The following TBC1D8 variants were observed in gnomAD, a reference collection of about 807,000 sequenced individuals.
TBC1D8 encodes BUB2-like protein 1.
Under a neutral mutation model 118.8 loss-of-function variants are expected in TBC1D8, and 65 were observed. That is an observed-to-expected ratio of 0.55 (90% confidence interval 0.45 to 0.67). The LOEUF (loss-of-function observed/expected upper bound fraction) is 0.67, where lower values mean the gene tolerates loss of function less well. TBC1D8 is among the 30% of genes least tolerant of loss of function. The probability of loss-of-function intolerance (pLI) is 0.00; values close to 1 mark genes in which losing one functional copy is unlikely to be tolerated. For synonymous variants in TBC1D8, 566 were observed against 595.8 expected (o/e 0.95, Z 0.73); for missense variants, 1,376 against 1,471.2 (o/e 0.94, Z 1.06).
chr2:101,132,970 A>G (rs1574073022), intron 1 of TBC1D8, among the ~76,000 whole-genome samples: 1 of 152,142 alleles, frequency 6.6e-6, no homozygotes, highest in East Asian at 1.9e-4. Context: ...ATGTTTCTAT[A>G]AATTTTTAAG....
intron 1 of TBC1D8, among the ~76,000 whole-genome samples, chr2:101,102,446 T>G (rs1294622276): frequency 6.7e-6 from 1 of 149,708 alleles, no homozygotes; most frequent in African/African-American, 2.5e-5. Context: ...AGAGCGAGAT[T>G]CCATAAAAAG....
At chr2:101,150,827 C>T (rs528501849) in intron 1 of TBC1D8, among the ~76,000 whole-genome samples, 32 of 152,236 alleles carry the variant, frequency 2.1e-4, no homozygotes, top group Non-Finnish European at 3.7e-4. Context: ...CCGCTCCACC[C>T]GGCGTTTCTC....
chr2:101,013,836 T>C lies in TBC1D8; in HGVS notation c.2828-2296A>G, dbSNP rs116475875. The stretch of plus-strand genomic sequence containing the variant: ...AGATGCAGTTGAGACATTACAGTAA[T>C]CATCAAAATAATCCCATCTCCACCA... On this transcript the variant is annotated intron_variant, in intron 17 of 19. Transcript: ENST00000409318. Among the ~76,000 whole-genome samples, 815 of 152,322 alleles carry C rather than the reference T, an allele frequency of 5.4e-3. 10 individuals are homozygous for C. Among genetic ancestry groups the C allele is most frequent in the African/African-American group, 0.018 (736 of 41,578 alleles).
intron 4 of TBC1D8, among the ~76,000 whole-genome samples, chr2:101,051,374 C>T (rs1389795240): frequency 1.3e-5 from 2 of 152,094 alleles, no homozygotes; most frequent in Non-Finnish European, 2.9e-5. Flanking sequence ...ACCAGCAATA[C>T]CATTCTGGAC....
intron 4 of TBC1D8, among the ~76,000 whole-genome samples, 164 bp from the exon 5 acceptor site, chr2:101,050,805 A>G (rs544419152): frequency 6.6e-6 from 1 of 152,314 alleles, no homozygotes; most frequent in African/African-American, 2.4e-5. Context: ...CAGGTTTGCA[A>G]TACAGGTAAA....
chr2:101,094,702 C>G (rs1676275503), intron 1 of TBC1D8, among the ~76,000 whole-genome samples: 1 of 152,114 alleles, frequency 6.6e-6, no homozygotes. Flanking sequence ...CAACCCAGCC[C>G]CTTCAACTGG....
At chr2:101,039,049 G>A (rs185779956) in intron 6 of TBC1D8, among the ~76,000 whole-genome samples, 1 of 152,320 alleles carries the variant, frequency 6.6e-6, no homozygotes, top group East Asian at 1.9e-4. Flanking sequence ...GTAGAAGGAT[G>A]GTTGCTAGGG....
chr2:101,050,465 G>T lies in TBC1D8; in HGVS notation c.808C>A (p.Leu270Met). 6.2e-7 allele frequency: 1 copy of T among 1,613,912 alleles called. No individual in the cohort carries two copies. The change falls in exon 5 of 20, where the codon CTG becomes ATG. Residue 270 changes from leucine (L) to methionine (M), a missense_variant. Transcript: ENST00000409318. ...AGGTCAAAGACCTCATTATCCAGCA[G>T]CCTTCGCAGCGTCACGTCGGCCAGC... Reference protein sequence around the residue: ...EQLADVTLRRLLDNEVFDLDP... With the variant: ...EQLADVTLRRMLDNEVFDLDP...
chr2:101,128,953 C>G (rs1442571540), intron 1 of TBC1D8, among the ~76,000 whole-genome samples: 3 of 151,974 alleles, frequency 2.0e-5, no homozygotes, highest in Non-Finnish European at 2.9e-5. Flanking sequence ...AGGGAGGGAG[C>G]AGGGGGAGTT....
At chr2:101,095,513 T>C (rs1017477877) in intron 1 of TBC1D8, among the ~76,000 whole-genome samples, 6 of 151,686 alleles carry the variant, frequency 4.0e-5, no homozygotes, top group Non-Finnish European at 7.4e-5. Context: ...TTTGGTTTTT[T>C]GTCCTTGCGA....
chr2:101,129,732 C>A (rs112346257), intron 1 of TBC1D8, among the ~76,000 whole-genome samples: 24,010 of 151,454 alleles, frequency 0.16, 1,954 homozygotes, highest in African/African-American at 0.2. Flanking sequence ...GGTGAAACCC[C>A]ATCTCTACTA....
intron 5 of TBC1D8, 38 bp downstream of exon 5, chr2:101,050,363 C>T (rs756017218): frequency 8.8e-6 from 14 of 1,593,398 alleles, no homozygotes; most frequent in Admixed American, 3.4e-5. Context: ...ATGGGTCCCC[C>T]GTGCGGGTGG....
chr2:101,038,715 A>G (rs1196742173), intron 6 of TBC1D8, 60 bp from the exon 7 acceptor site: 11 of 1,577,208 alleles, frequency 7.0e-6, no homozygotes, highest in South Asian at 6.7e-5. Context: ...ATGTTATTAC[A>G]TATGCAGAAG....
chr2:101,010,948 T>G lies in TBC1D8; in HGVS notation c.2996A>C (p.Glu999Ala). ...LAKEKDKTEK[E>A]LPKMSQREFI... Reference sequence around the variant, plus strand: ...CCATACCTGGCTCATTTTGGGCAATTCTTTCTCAGTTTTATCTTTTTCTTT... The same window carrying G: ...CCATACCTGGCTCATTTTGGGCAATGCTTTCTCAGTTTTATCTTTTTCTTT... The change falls in exon 19 of 20, where the codon GAA becomes GCA. Residue 999 changes from glutamate (E) to alanine (A), a missense_variant. By Grantham distance (107) the Glu-to-Ala change is moderately radical. Transcript: ENST00000409318. 6.2e-7 allele frequency: 1 copy of G among 1,612,604 alleles called. No individual in the cohort carries two copies. Among genetic ancestry groups the G allele is most frequent in the Non-Finnish European group, 8.5e-7 (1 of 1,179,846 alleles).
chr2:101,094,840 GC>G (rs989182638), intron 1 of TBC1D8, among the ~76,000 whole-genome samples: 12 of 152,266 alleles, frequency 7.9e-5, no homozygotes, highest in Admixed American at 7.2e-4. Flanking sequence ...AAATTGAAAA[GC>G]CATGATTTTT....
Position 101,068,533 on chromosome 2 carries a change from T to G in TBC1D8, c.284-8994A>C, listed in dbSNP as rs936396533. The G allele has an allele frequency of 2.3e-5, 12 of 517,018 alleles. No individual in the cohort carries two copies. In the African/African-American group the frequency reaches 2.4e-4, roughly 10 times the overall value. The allele number at this position is 517,018 out of a possible 1,614,324, so 32.0% of individuals were successfully genotyped here. ...AAGATGGAACCACAGTGGTGGTATGTAAACCCAAACTTTTACCCTTAAAAT... is the reference window on the plus strand; with the variant it reads ...AAGATGGAACCACAGTGGTGGTATGGAAACCCAAACTTTTACCCTTAAAAT... On this transcript the variant is annotated intron_variant, in intron 2 of 19. Transcript: ENST00000409318.
At chr2:101,112,407 C>G (rs1261834457) in intron 1 of TBC1D8, among the ~76,000 whole-genome samples, 1 of 152,164 alleles carries the variant, frequency 6.6e-6, no homozygotes, top group African/African-American at 2.4e-5. Context: ...CATTTCTCGT[C>G]GTGAACAGAT....
intron 17 of TBC1D8, among the ~76,000 whole-genome samples, chr2:101,016,521 C>T (rs1450179162): frequency 9.9e-5 from 15 of 152,128 alleles, no homozygotes; most frequent in Non-Finnish European, 2.1e-4. Context: ...TGTGGCGATT[C>T]CTCAGGGATC....
At chr2:101,063,749 A>G (rs1351810602) in intron 2 of TBC1D8, among the ~76,000 whole-genome samples, 1 of 152,066 alleles carries the variant, frequency 6.6e-6, no homozygotes, top group Non-Finnish European at 1.5e-5. Flanking sequence ...CACATCTGAA[A>G]ATACCTTTTT....
Sources: gnomAD v4.1 joint callset for allele counts (sites outside exome capture counted in the v4.1 genomes callset) on GRCh38, gnomAD v4.1.1 for gene constraint, MANE v1.5 for transcripts, NCBI Gene and HGNC (gene_info 2026-07-23, HGNC 2026-07-21) for gene names.